ERAP1: variants seen among roughly 807,000 people sequenced by gnomAD.
ERAP1 encodes the protein endoplasmic reticulum aminopeptidase 1.
In ERAP1, 86 loss-of-function variants were observed where a neutral mutation model predicts 103.7. The observed-to-expected ratio is 0.83, with a 90% CI of 0.70 to 0.99. ERAP1 has a LOEUF of 0.99. ERAP1 is among the 50% of genes least tolerant of loss of function. The probability of loss-of-function intolerance (pLI) is 0.00; values close to 1 mark genes in which losing one functional copy is unlikely to be tolerated. For missense variants in ERAP1, 1,009 were observed against 1,128.4 expected (o/e 0.89, Z 1.52); for synonymous variants, 398 against 402.4 (o/e 0.99, Z 0.13).
exon 20 of ERAP1, chr5:96,762,231 T>G (rs1354286224): frequency 1.5e-6 from 2 of 1,335,360 alleles, no homozygotes; most frequent in East Asian, 4.8e-5. Context: ...TGCTCATAAT[T>G]TTATATACAA....
chr5:96,887,073 G>GTATATATATA, the ERAP1 span, among the ~76,000 whole-genome samples: 274 of 87,106 alleles, frequency 3.1e-3, 2 homozygotes, highest in East Asian at 0.012. Context: ...AATTTTCAAA[G>GTATATATATA]TATATATATA....
At chr5:96,902,536 G>T in the ERAP1 span, 2 of 517,880 alleles carry the variant, frequency 3.9e-6, no homozygotes, top group Non-Finnish European at 6.9e-6. Flanking sequence ...TTTTCATTCA[G>T]TGGGAAGTTC....
intron 18 of ERAP1, among the ~76,000 whole-genome samples, chr5:96,778,914 C>T (rs901444971): frequency 6.6e-6 from 1 of 152,094 alleles, no homozygotes; most frequent in Non-Finnish European, 1.5e-5. Context: ...TTTATATGTC[C>T]GTAGTTTGCT....
chr5:96,761,252 A>G (rs1412665784), exon 20 of ERAP1: 1 of 152,234 alleles, frequency 6.6e-6, no homozygotes, highest in East Asian at 1.9e-4. Context: ...AAGAGACAAT[A>G]CAAATGTTTC....
the ERAP1 span, among the ~76,000 whole-genome samples, chr5:96,816,488 T>TG: frequency 1.3e-5 from 2 of 152,144 alleles, no homozygotes; most frequent in Non-Finnish European, 2.9e-5. Context: ...GCCAGGATGT[T>TG]GCTCAGCAGG....
chr5:96,763,677 T>C (rs1172162040), intron 19 of ERAP1, among the ~76,000 whole-genome samples: 4 of 152,150 alleles, frequency 2.6e-5, no homozygotes, highest in Non-Finnish European at 4.4e-5. Flanking sequence ...TATTAGGAAA[T>C]CGAAGAGTCA....
the ERAP1 span, among the ~76,000 whole-genome samples, chr5:96,867,250 C>T: frequency 6.6e-6 from 1 of 151,846 alleles, no homozygotes; most frequent in Non-Finnish European, 1.5e-5. Flanking sequence ...GAGGCAATCC[C>T]TCTGCCTCAG....
At chr5:96,827,477 C>A in the ERAP1 span, among the ~76,000 whole-genome samples, 4 of 152,054 alleles carry the variant, frequency 2.6e-5, no homozygotes, top group African/African-American at 9.7e-5. Flanking sequence ...GCCTGGGCAA[C>A]AAGGTGAAAC....
chr5:96,836,176 G>GTTT, the ERAP1 span, among the ~76,000 whole-genome samples: 14,527 of 106,322 alleles, frequency 0.14, 1,398 homozygotes, highest in Non-Finnish European at 0.19. Context: ...CACCTCTTTG[G>GTTT]TTTTTTTTTT....
At chr5:96,835,769 G>A in the ERAP1 span, among the ~76,000 whole-genome samples, 2 of 152,174 alleles carry the variant, frequency 1.3e-5, no homozygotes, top group Non-Finnish European at 2.9e-5. Flanking sequence ...ATCCTACTTA[G>A]TAGGTACTAC....
chr5:96,847,612 T>C, the ERAP1 span, among the ~76,000 whole-genome samples: 1 of 152,174 alleles, frequency 6.6e-6, no homozygotes, highest in African/African-American at 2.4e-5. Context: ...ATAGAACTCA[T>C]ATTGAGTATC....
the ERAP1 span, among the ~76,000 whole-genome samples, chr5:96,866,518 C>T: frequency 6.6e-6 from 1 of 152,164 alleles, no homozygotes; most frequent in African/African-American, 2.4e-5. Context: ...GTATGCCCAA[C>T]CCGGTTGATA....
chr5:96,784,249 C>A (rs1373655156), intron 13 of ERAP1, among the ~76,000 whole-genome samples, 169 bp from the exon 14 acceptor site: 1 of 152,184 alleles, frequency 6.6e-6, no homozygotes, highest in Non-Finnish European at 1.5e-5. Context: ...AATCCCAGCA[C>A]TTTAGGAGGC....
At chr5:96,907,510 G>T in the ERAP1 span, among the ~76,000 whole-genome samples, 1 of 151,870 alleles carries the variant, frequency 6.6e-6, no homozygotes, top group Non-Finnish European at 1.5e-5. Context: ...TGATGCTAAG[G>T]TATCAACTGT....
intron 4 of ERAP1, among the ~76,000 whole-genome samples, chr5:96,796,017 G>C (rs774064961): frequency 6.6e-6 from 1 of 152,190 alleles, no homozygotes; most frequent in Non-Finnish European, 1.5e-5. Flanking sequence ...AAGAGATTCA[G>C]ATAAGTGGCA....
At chr5:96,915,016 A>AT in the ERAP1 span, among the ~76,000 whole-genome samples, 1 of 151,512 alleles carries the variant, frequency 6.6e-6, no homozygotes. Flanking sequence ...TAATTAATTT[A>AT]TTTTTTTTGA....
At chr5:96,767,341 C>T in intron 19 of ERAP1, 2 of 946,848 alleles carry the variant, frequency 2.1e-6, no homozygotes, top group Admixed American at 4.3e-5. Flanking sequence ...CCATTTTATC[C>T]AAGTCAAGTC....
the ERAP1 span, chr5:96,873,220 TTAAAATATTTTGACAA>T: frequency 5.1e-6 from 2 of 390,832 alleles, no homozygotes; most frequent in Non-Finnish European, 1.0e-5. Context: ...CGTGAAATCT[TTAAAATATTTTGACAA>T]TAAAGTCTCA....
At chr5:96,773,289 A>G (rs565560245), downstream of ERAP1, 1 of 153,398 alleles carries the variant, frequency 6.5e-6, no homozygotes, top group South Asian at 2.1e-4. Context: ...TCTGCATCTT[A>G]CAGTCAGCAC....
Sources: gnomAD v4.1 joint callset for allele counts (sites outside exome capture counted in the v4.1 genomes callset) on GRCh38, gnomAD v4.1.1 for gene constraint, MANE v1.5 for transcripts, NCBI Gene and HGNC (gene_info 2026-07-23, HGNC 2026-07-21) for gene names.